The following SOX5 variants were observed in gnomAD, a reference collection of about 807,000 sequenced individuals.
SOX5 encodes SRY-box transcription factor 5, also known as transcription factor SOX-5.
SOX5 carries 9 observed loss-of-function variants against 92.0 expected under a neutral mutation model. The ratio of observed to expected loss-of-function variants is 0.10; its 90% confidence interval spans 0.06 to 0.17. SOX5 has a LOEUF of 0.17. SOX5 is among the 10% of genes least tolerant of loss of function. The pLI is 1.00. For missense variants in SOX5, 642 were observed against 944.5 expected, an observed-to-expected ratio of 0.68 and a Z score of 4.20; for synonymous variants, 344 against 336.3, an observed-to-expected ratio of 1.02 and a Z score of -0.25.
intron 1 of SOX5, among the ~76,000 whole-genome samples, chr12:24,495,848 G>C (rs910418352): frequency 1.3e-5 from 2 of 152,146 alleles, no homozygotes; most frequent in Non-Finnish European, 1.5e-5. Context: ...TCTCCATCTA[G>C]AGCTCAGTTC....
chr12:23,579,980 A>G (rs1202969024), intron 9 of SOX5, among the ~76,000 whole-genome samples: 1 of 152,086 alleles, frequency 6.6e-6, no homozygotes, highest in African/African-American at 2.4e-5. Flanking sequence ...TTATACACAA[A>G]GTAAGAGTTA....
At chr12:23,717,145 G>T (rs561545934) in intron 6 of SOX5, among the ~76,000 whole-genome samples, 1 of 152,178 alleles carries the variant, frequency 6.6e-6, no homozygotes, top group South Asian at 2.1e-4. Flanking sequence ...GACAATTGGA[G>T]TCATGTGTAA....
intron 4 of SOX5, among the ~76,000 whole-genome samples, chr12:23,979,900 G>GA (rs1258370095): frequency 2.8e-5 from 4 of 140,378 alleles, no homozygotes; most frequent in African/African-American, 1.1e-4. Flanking sequence ...TGGCTGGCTG[G>GA]CTGGCTGGCT....
In SOX5 at chr12:24,042,579, G is replaced by A. The variant is rs184566220; in HGVS notation, c.-1-146555C>T. Among the ~76,000 whole-genome samples the A allele has an allele frequency of 4.2e-3, 637 of 152,114 alleles. 3 individuals are homozygous for A. The highest frequency in any genetic ancestry group is 6.0e-3 in the Non-Finnish European group (407 of 67,968). ...CATCCATATCCATCATATATATTTA[G>A]CCTTTTTTAAAAAGTATATTTAGTG... On this transcript the variant is annotated intron_variant, in intron 4 of 4. Coordinates refer to the SOX5 transcript ENST00000446891.
chr12:24,023,774 C>T (rs1163624121), intron 4 of SOX5, among the ~76,000 whole-genome samples: 2 of 152,000 alleles, frequency 1.3e-5, no homozygotes, highest in Non-Finnish European at 2.9e-5. Flanking sequence ...CTTTTAAAAA[C>T]TGAGCCATGT....
rs1363128092 is a variant in SOX5 at position 23,658,590 on chromosome 12, A to G, written c.931+6854T>C. On this transcript the variant is annotated intron_variant, in intron 7 of 14. Transcript: ENST00000451604. Reference sequence around the variant, plus strand: ...GGGAAGAGCTGGTCACAATAATTCTAACACAAAAAATACAGAAACCAGCTG... The same window carrying G: ...GGGAAGAGCTGGTCACAATAATTCTGACACAAAAAATACAGAAACCAGCTG... 3.9e-5 allele frequency among the ~76,000 whole-genome samples: 6 copies of G among 152,154 alleles called. No individual in the cohort carries two copies. In the East Asian group the frequency reaches 1.2e-3, roughly 29 times the overall value.
At chr12:24,095,150 G>GAGAGAGACAGAGAC (rs1293677484) in intron 4 of SOX5, among the ~76,000 whole-genome samples, 2 of 149,718 alleles carry the variant, frequency 1.3e-5, no homozygotes, top group African/African-American at 2.5e-5. Flanking sequence ...GAGAGAGAGA[G>GAGAGAGACAGAGAC]AGAGAGACAG....
At chr12:23,729,714 C>T (rs2093318550) in intron 6 of SOX5, among the ~76,000 whole-genome samples, 3 of 152,102 alleles carry the variant, frequency 2.0e-5, no homozygotes, top group Admixed American at 6.6e-5. Context: ...AAAGTTCAAA[C>T]ACTGATGCCC....
At chr12:23,667,600 A>T (rs184039176) in intron 6 of SOX5, among the ~76,000 whole-genome samples, 2 of 152,286 alleles carry the variant, frequency 1.3e-5, no homozygotes, top group East Asian at 3.9e-4. Context: ...GGCCCAATAA[A>T]TTGTTCAAGA....
intron 2 of SOX5, among the ~76,000 whole-genome samples, chr12:23,848,954 A>C (rs1471373749): frequency 6.6e-6 from 1 of 152,184 alleles, no homozygotes; most frequent in Admixed American, 6.6e-5. Context: ...CTTTGCAACC[A>C]ATAGAAAAAG....
At chr12:24,530,635 A>G (rs1192008406) in intron 1 of SOX5, among the ~76,000 whole-genome samples, 1 of 151,610 alleles carries the variant, frequency 6.6e-6, no homozygotes, top group Non-Finnish European at 1.5e-5. Flanking sequence ...CCTGGGCAAC[A>G]GAGTGAGACT....
chr12:24,488,095 C>T (rs151243858), intron 1 of SOX5, among the ~76,000 whole-genome samples: 1 of 152,018 alleles, frequency 6.6e-6, no homozygotes, highest in Non-Finnish European at 1.5e-5. Flanking sequence ...AAGATGTGGG[C>T]TTTTAAAAAG....
intron 6 of SOX5, among the ~76,000 whole-genome samples, chr12:23,706,480 C>T (rs1415975005): frequency 6.6e-6 from 1 of 151,764 alleles, no homozygotes; most frequent in Admixed American, 6.6e-5. Context: ...AAGTTTACAA[C>T]AAAACTCCTA....
At chr12:24,248,195 T>C (rs758658794) in intron 3 of SOX5, among the ~76,000 whole-genome samples, 4 of 152,184 alleles carry the variant, frequency 2.6e-5, no homozygotes, top group East Asian at 1.9e-4. Context: ...TGTTGGGGAA[T>C]TGAATGGGAA....
chr12:23,657,505 T>C (rs893122589), intron 7 of SOX5, among the ~76,000 whole-genome samples: 2 of 152,194 alleles, frequency 1.3e-5, no homozygotes, highest in Admixed American at 6.5e-5. Context: ...CAATCAATCT[T>C]ATGACATAAG....
At chr12:24,106,791 A>AAATAATAATAATAAT (rs56341402) in intron 4 of SOX5, among the ~76,000 whole-genome samples, 43 of 137,480 alleles carry the variant, frequency 3.1e-4, no homozygotes, top group Admixed American at 6.7e-4. Context: ...GACTCGTCTC[A>AAATAATAATAATAAT]AATAATAATA....
intron 8 of SOX5, among the ~76,000 whole-genome samples, chr12:23,629,123 TC>T (rs2078207495): frequency 6.6e-6 from 1 of 152,060 alleles, no homozygotes; most frequent in Non-Finnish European, 1.5e-5. Flanking sequence ...AATTCCTTGA[TC>T]TTTCAATAGC....
At chr12:24,478,357 T>G (rs1945613595) in intron 1 of SOX5, among the ~76,000 whole-genome samples, 1 of 152,258 alleles carries the variant, frequency 6.6e-6, no homozygotes, top group Non-Finnish European at 1.5e-5. Flanking sequence ...ATTATTTTCT[T>G]GAAAGAAGAG....
chr12:24,518,095 G>A (rs113075777), intron 1 of SOX5, among the ~76,000 whole-genome samples: 66 of 150,000 alleles, frequency 4.4e-4, no homozygotes, highest in African/African-American at 1.6e-3. Context: ...TTGAGGCAGG[G>A]TCTCACTTTG....
Sources: gnomAD v4.1 joint callset for allele counts (sites outside exome capture counted in the v4.1 genomes callset) on GRCh38, gnomAD v4.1.1 for gene constraint, MANE v1.5 for transcripts, NCBI Gene and HGNC (gene_info 2026-07-23, HGNC 2026-07-21) for gene names.